TSHZ2: variants seen among roughly 807,000 people sequenced by gnomAD.
The protein encoded by TSHZ2 is teashirt zinc finger homeobox 2.
In TSHZ2, 21 loss-of-function variants were observed where a neutral mutation model predicts 74.4. The observed-to-expected ratio is 0.28, with a 90% confidence interval of 0.20 to 0.41. TSHZ2 has a LOEUF of 0.41. Ranked by LOEUF, TSHZ2 falls within the 10% of genes least tolerant of loss-of-function variation. The pLI is 1.00. For synonymous variants in TSHZ2, 540 were observed against 515.3 expected, an observed-to-expected ratio of 1.05 and a Z score of -0.65; for missense variants, 1,244 against 1,293.5, an observed-to-expected ratio of 0.96 and a Z score of 0.59.
intron 2 of TSHZ2, among the ~76,000 whole-genome samples, chr20:53,432,560 T>C (rs1383210102): frequency 6.6e-6 from 1 of 152,362 alleles, no homozygotes; most frequent in Non-Finnish European, 1.5e-5. Context: ...CTATTTTCCA[T>C]AGTGATTGTA....
At chr20:53,056,606 T>C (rs1425832753) in intron 1 of TSHZ2, among the ~76,000 whole-genome samples, 1 of 152,134 alleles carries the variant, frequency 6.6e-6, no homozygotes, top group Non-Finnish European at 1.5e-5. Context: ...TTCTTTGTTT[T>C]TCTCTGCTTA....
chr20:53,323,563 C>CTTTT (rs34687825), intron 2 of TSHZ2, among the ~76,000 whole-genome samples: 683 of 36,684 alleles, frequency 0.019, 235 homozygotes, highest in Middle Eastern at 0.071. Context: ...CCTTGGAGGG[C>CTTTT]TTTTTTTTTT....
chr20:53,271,857 G>A (rs1362979188), intron 2 of TSHZ2, among the ~76,000 whole-genome samples: 2 of 152,184 alleles, frequency 1.3e-5, no homozygotes, highest in African/African-American at 2.4e-5. Context: ...ACAGGTGGCT[G>A]GTGGATGTGC....
At chr20:53,203,847 C>T (rs938598677) in intron 1 of TSHZ2, among the ~76,000 whole-genome samples, 26 of 151,960 alleles carry the variant, frequency 1.7e-4, no homozygotes, top group African/African-American at 6.3e-4. Context: ...AACTTGATCC[C>T]AAGCTCTCTA....
intron 1 of TSHZ2, among the ~76,000 whole-genome samples, chr20:53,085,630 T>C (rs944026023): frequency 2.0e-5 from 3 of 152,176 alleles, no homozygotes; most frequent in African/African-American, 7.2e-5. Context: ...TGTTATTTTA[T>C]TATTCCCATT....
chr20:53,106,923 C>T (rs908937368), intron 1 of TSHZ2, among the ~76,000 whole-genome samples: 2 of 151,926 alleles, frequency 1.3e-5, no homozygotes, highest in African/African-American at 2.4e-5. Flanking sequence ...ATCTTGAACT[C>T]CTGACCTCAA....
chr20:53,031,863 G>A (rs560437426), intron 1 of TSHZ2, among the ~76,000 whole-genome samples: 1 of 151,950 alleles, frequency 6.6e-6, no homozygotes, highest in South Asian at 2.1e-4. Context: ...TCTCAGTTGT[G>A]GAAAGGCAAG....
At position 53,304,677 on chromosome 20, in the gene TSHZ2, G is replaced by A. The variant is rs1043457986; in HGVS notation, c.*8+48106G>A. Reference sequence around the variant, plus strand: ...AGACACAGTCTAGCTCTGTTGCCAGGCTGGAATGCAGTGGCGCAATCTTGG... The same window carrying A: ...AGACACAGTCTAGCTCTGTTGCCAGACTGGAATGCAGTGGCGCAATCTTGG... On this transcript the variant is annotated intron_variant, in intron 2 of 2. Coordinates refer to ENST00000371497, the MANE Select transcript of TSHZ2 (RefSeq NM_173485.6). Among the ~76,000 whole-genome samples, 20 of 152,154 alleles carry A rather than the reference G, an allele frequency of 1.3e-4. 1 individual carries two copies. Among genetic ancestry groups the A allele is most frequent in the African/African-American group, 4.6e-4 (19 of 41,420 alleles).
intron 2 of TSHZ2, among the ~76,000 whole-genome samples, chr20:53,364,640 T>G (rs1981189053): frequency 1.3e-5 from 2 of 152,210 alleles, no homozygotes; most frequent in African/African-American, 4.8e-5. Context: ...TGTTTCTTCC[T>G]TGAAAGCTGC....
chr20:53,010,740 G>T (rs1267041250), intron 1 of TSHZ2, among the ~76,000 whole-genome samples: 1 of 152,114 alleles, frequency 6.6e-6, no homozygotes, highest in African/African-American at 2.4e-5. Flanking sequence ...CAACTTTATT[G>T]CACTGTAAAT....
intron 1 of TSHZ2, among the ~76,000 whole-genome samples, chr20:53,163,746 T>C (rs1988002493): frequency 6.6e-6 from 1 of 152,204 alleles, no homozygotes; most frequent in South Asian, 2.1e-4. Flanking sequence ...AGTGGACTCT[T>C]CATTCCCAGT....
At chr20:53,393,415 T>C (rs1163354072) in intron 2 of TSHZ2, among the ~76,000 whole-genome samples, 1 of 152,242 alleles carries the variant, frequency 6.6e-6, no homozygotes, top group Non-Finnish European at 1.5e-5. Flanking sequence ...CAAGGTGACT[T>C]AAGCTGTCTG....
chr20:53,298,012 A>G (rs1305293550), intron 2 of TSHZ2, among the ~76,000 whole-genome samples: 2 of 152,194 alleles, frequency 1.3e-5, no homozygotes, highest in Non-Finnish European at 2.9e-5. Context: ...TGTATCCATA[A>G]AGGAGCTTCT....
intron 2 of TSHZ2, among the ~76,000 whole-genome samples, chr20:53,316,612 A>G (rs1405492061): frequency 1.3e-5 from 2 of 151,648 alleles, no homozygotes; most frequent in East Asian, 1.9e-4. Context: ...AAGGATGTAC[A>G]CTGGAAATAA....
At chr20:53,413,456 A>C (rs537059902) in intron 2 of TSHZ2, among the ~76,000 whole-genome samples, 1 of 152,346 alleles carries the variant, frequency 6.6e-6, no homozygotes, top group South Asian at 2.1e-4. Context: ...GTGAGCTACT[A>C]GCTTTGAATC....
At chr20:53,047,931 G>A (rs540974129) in intron 1 of TSHZ2, among the ~76,000 whole-genome samples, 4 of 152,214 alleles carry the variant, frequency 2.6e-5, no homozygotes, top group East Asian at 1.9e-4. Context: ...AGACACCGTC[G>A]CACTTTTAAT....
At chr20:53,258,214 T>C (rs971589151) in intron 2 of TSHZ2, among the ~76,000 whole-genome samples, 2 of 152,228 alleles carry the variant, frequency 1.3e-5, no homozygotes, top group African/African-American at 4.8e-5. Context: ...TTTCCAAGCA[T>C]GATTTGTTCA....
intron 2 of TSHZ2, among the ~76,000 whole-genome samples, chr20:53,364,723 C>T (rs1333586403): frequency 1.3e-5 from 2 of 152,196 alleles, no homozygotes; most frequent in African/African-American, 4.8e-5. Flanking sequence ...TGTGGAGTGC[C>T]GGGGCTTGGC....
At chr20:53,032,873 C>G (rs1013016342) in intron 1 of TSHZ2, among the ~76,000 whole-genome samples, 2 of 152,100 alleles carry the variant, frequency 1.3e-5, no homozygotes, top group African/African-American at 4.8e-5. Context: ...TTGCACAATA[C>G]TGGGCCAGTC....
Sources: allele counts gnomAD v4.1 joint callset (sites outside exome capture counted in the v4.1 genomes callset), GRCh38; gene constraint gnomAD v4.1.1; transcripts MANE v1.5; gene names NCBI Gene and HGNC (gene_info 2026-07-23, HGNC 2026-07-21).